Variants in TRAF3 observed in about 807,000 individuals in gnomAD.
TRAF3 encodes the protein TNF receptor associated factor 3.
Under a neutral mutation model 62.3 loss-of-function variants are expected in TRAF3, and 13 were observed. That is an observed-to-expected ratio of 0.21 (90% CI 0.14 to 0.33). TRAF3 has a LOEUF of 0.33. Ranked by LOEUF, TRAF3 falls within the 10% of genes least tolerant of loss-of-function variation. The pLI is 1.00. For missense variants in TRAF3, 440 were observed against 741.8 expected (o/e 0.59, Z 4.73); for synonymous variants, 269 against 283.4 (o/e 0.95, Z 0.51).
At chr14:102,824,670 T>G (rs1026570436) in intron 1 of TRAF3, among the ~76,000 whole-genome samples, 10 of 152,264 alleles carry the variant, frequency 6.6e-5, no homozygotes, top group African/African-American at 2.4e-4. Flanking sequence ...TTCCATAGTT[T>G]GCATCAAATT....
chr14:102,854,779 G>A (rs1043285415), intron 2 of TRAF3, among the ~76,000 whole-genome samples: 3 of 150,114 alleles, frequency 2.0e-5, no homozygotes. Context: ...GGGATTATAG[G>A]TGTCAGCTGC....
In TRAF3 at chr14:102,905,466, C is replaced by T. The variant is rs752675828; in HGVS notation, c.1389C>T (p.Asp463=). 201 of 1,614,082 alleles carry T rather than the reference C, an allele frequency of 1.2e-4. No individual in the cohort carries two copies. Among genetic ancestry groups the T allele is most frequent in the South Asian group, 3.0e-4 (27 of 91,086 alleles). Residue 463 remains aspartate, a synonymous_variant, in exon 12 of 12, where the codon GAC becomes GAT. Coordinates refer to ENST00000392745, the MANE Select transcript of TRAF3 (RefSeq NM_145725.3). ...GTGCCAGGGTCTACCTGAACGGGGA[C>T]GGGATGGGGAAGGGGACGCACTTGT... is the stretch of plus-strand genomic sequence containing the variant. ...KMCARVYLNG[D]GMGKGTHLSL...
intron 10 of TRAF3, among the ~76,000 whole-genome samples, chr14:102,901,800 AG>A (rs1890317765): frequency 6.6e-6 from 1 of 152,236 alleles, no homozygotes; most frequent in Non-Finnish European, 1.5e-5. Flanking sequence ...CAGCCAGCAA[AG>A]GTGCTGAAAC....
intron 4 of TRAF3, among the ~76,000 whole-genome samples, chr14:102,873,074 C>A (rs550989857): frequency 6.6e-6 from 1 of 152,256 alleles, no homozygotes; most frequent in Non-Finnish European, 1.5e-5. Context: ...TTTTTAAATG[C>A]AGGTCACTAA....
In TRAF3 at chr14:102,878,617, A is replaced by C. The variant is rs566204504; in HGVS notation, c.570+2092A>C. ...GAAAAAATACTAACAAATGTGTAAC[A>C]TCGGGTAGTGATCAGTTCCATGAAT... On this transcript the variant is annotated intron_variant, in intron 6 of 11. Transcript: ENST00000392745. 9.8e-5 allele frequency among the ~76,000 whole-genome samples: 15 copies of C among 152,332 alleles called. No individual in the cohort carries two copies. The East Asian group carries it at 2.9e-3, about 29-fold the overall frequency.
In TRAF3 at chr14:102,908,716, A is replaced by G. The variant is rs1890712929; in HGVS notation, c.*2932A>G. ...GACAGAGCTGCTCAGTACTTTACAG[A>G]AACCAACTGAGTCGTTTGTGCATGA... On this transcript the variant is annotated 3_prime_UTR_variant, in exon 12 of 12. Coordinates refer to ENST00000392745, the MANE Select transcript of TRAF3 (RefSeq NM_145725.3). The G allele has an allele frequency of 6.6e-6, 1 of 152,214 alleles. No homozygotes were observed. The highest frequency in any genetic ancestry group is 2.4e-5 in the African/African-American group (1 of 41,418). The allele number at this position is 152,214 out of a possible 1,614,324, so 9.4% of individuals were successfully genotyped here. A position where few individuals can be genotyped will look rare whatever the true frequency, so the allele number is the denominator to read the frequency against.
At chr14:102,825,810 A>G (rs12882969) in intron 1 of TRAF3, among the ~76,000 whole-genome samples, 2,117 of 152,326 alleles carry the variant, frequency 0.014, 22 homozygotes, top group Non-Finnish European at 0.019. Flanking sequence ...TACGTCTAGA[A>G]GCGCTTGATG....
intron 1 of TRAF3, among the ~76,000 whole-genome samples, chr14:102,816,528 G>A (rs1355391087): frequency 6.6e-6 from 1 of 152,122 alleles, no homozygotes; most frequent in African/African-American, 2.4e-5. Context: ...GTTTAATGTT[G>A]TGTTAAATAA....
At chr14:102,785,246 C>G (rs1173523711) in intron 1 of TRAF3, among the ~76,000 whole-genome samples, 1 of 152,190 alleles carries the variant, frequency 6.6e-6, no homozygotes, top group Non-Finnish European at 1.5e-5. Context: ...GGCTGATACT[C>G]TAGGCCGCAC....
chr14:102,900,830 T>A (rs1440707807), intron 10 of TRAF3, among the ~76,000 whole-genome samples: 1 of 152,220 alleles, frequency 6.6e-6, no homozygotes, highest in Non-Finnish European at 1.5e-5. Flanking sequence ...TGATTTGGAT[T>A]GTTGATGTGG....
At chr14:102,811,728 A>AGTGTGT (rs146439927) in intron 1 of TRAF3, among the ~76,000 whole-genome samples, 60 of 138,618 alleles carry the variant, frequency 4.3e-4, no homozygotes, top group African/African-American at 1.3e-3. Context: ...CTACAGCAGT[A>AGTGTGT]GTGTGTGTGT....
chr14:102,791,474 CCTTT>C (rs1183684440), intron 1 of TRAF3, among the ~76,000 whole-genome samples: 2 of 151,924 alleles, frequency 1.3e-5, no homozygotes, highest in Non-Finnish European at 2.9e-5. Context: ...TATTTTCTTA[CCTTT>C]CTTTTTGTAT....
chr14:102,903,788 A>C lies in TRAF3; in HGVS notation c.1135+359A>C. ...CAGGACCTGCTGGTCGGGGCGCCCC[A>C]GACCCCACTCCTAAGGGCCAGGGGG... is the stretch of plus-strand genomic sequence containing the variant. On this transcript the variant is annotated intron_variant, in intron 11 of 11. Transcript: ENST00000392745. The surrounding 1 kb of genome is among the most constrained non-coding windows in gnomAD (Gnocchi z 6.4). 1 of 484,602 alleles carries C rather than the reference A, an allele frequency of 2.1e-6. No homozygotes were observed. The highest frequency in any genetic ancestry group is 4.1e-6 in the Non-Finnish European group (1 of 246,110). 30.0% of individuals were successfully genotyped at this position (484,602 alleles called of 1,614,324 possible).
chr14:102,889,607 T>G lies in TRAF3; in HGVS notation c.699T>G (p.Ser233Arg). ...SECVNAPSTC[S>R]FKRYGCVFQG... Reference sequence around the variant, plus strand: ...GTGTCAATGCCCCCAGCACCTGTAGTTTTAAGCGCTATGGCTGCGTTTTTC... The same window carrying G: ...GTGTCAATGCCCCCAGCACCTGTAGGTTTAAGCGCTATGGCTGCGTTTTTC... The change falls in exon 8 of 12, where the codon AGT becomes AGG. Residue 233 changes from serine to arginine, a missense_variant. Around this residue, in one of 6 missense-constraint regions of TRAF3, gnomAD observed 255 missense variants for 424.1 expected, o/e 0.60. Transcript: ENST00000392745. 6.2e-7 allele frequency: 1 copy of G among 1,614,180 alleles called. No individual in the cohort carries two copies. Among genetic ancestry groups the G allele is most frequent in the Non-Finnish European group, 8.5e-7 (1 of 1,180,026 alleles).
In TRAF3 at chr14:102,905,276, C is replaced by A; in HGVS notation, c.1199C>A (p.Ala400Asp). Reference sequence around the variant, plus strand: ...CTGAGTGTGCACGACATCCGCCTAGCCGACATGGACCTGCGCTTCCAGGTC... The same window carrying A: ...CTGAGTGTGCACGACATCCGCCTAGACGACATGGACCTGCGCTTCCAGGTC... ...QMLSVHDIRL[A>D]DMDLRFQVLE... Residue 400 changes from alanine (A) to aspartate (D), a missense_variant, in exon 12 of 12, where the codon GCC becomes GAC. Physicochemically the swap from Ala to Asp is moderately radical, Grantham distance 126. Around this residue, in one of 6 missense-constraint regions of TRAF3, gnomAD observed 42 missense variants for 86.1 expected, o/e 0.49. Coordinates refer to ENST00000392745, the MANE Select transcript of TRAF3 (RefSeq NM_145725.3). The A allele has an allele frequency of 6.2e-7, 1 of 1,614,226 alleles. No homozygotes were observed. Among genetic ancestry groups the A allele is most frequent in the Non-Finnish European group, 8.5e-7 (1 of 1,180,052 alleles).
chr14:102,850,277 ATAAT>A (rs1465060291), intron 2 of TRAF3, among the ~76,000 whole-genome samples: 2 of 152,230 alleles, frequency 1.3e-5, no homozygotes, highest in Non-Finnish European at 2.9e-5. Flanking sequence ...ATTTTCTTAA[ATAAT>A]TAGAGATGCC....
At position 102,903,625 on chromosome 14, in the gene TRAF3, G is replaced by C; in HGVS notation, c.1135+196G>C. 1.2e-6 allele frequency: 1 copy of C among 824,392 alleles called. No homozygotes were observed. Among genetic ancestry groups the C allele is most frequent in the Non-Finnish European group, 2.0e-6 (1 of 501,206 alleles). The allele number at this position is 824,392 out of a possible 1,614,324, so 51.1% of individuals were successfully genotyped here. A position where few individuals can be genotyped will look rare whatever the true frequency, so the allele number is the denominator to read the frequency against. On this transcript the variant is annotated intron_variant, in intron 11 of 11. Coordinates refer to ENST00000392745, the MANE Select transcript of TRAF3 (RefSeq NM_145725.3). The surrounding 1 kb of genome is among the most constrained non-coding windows in gnomAD (Gnocchi z 6.4). ...GCAAAGACAAACGTTTCCCGCGCAG[G>C]CTTGTCCCCTCCGTGTGAGGCCCTA...
At chr14:102,854,035 A>G (rs1887213624) in intron 2 of TRAF3, among the ~76,000 whole-genome samples, 1 of 152,184 alleles carries the variant, frequency 6.6e-6, no homozygotes, top group African/African-American at 2.4e-5. Flanking sequence ...TAGGAATCAT[A>G]CAATATGTGG....
At chr14:102,820,892 C>T (rs1189303864) in intron 1 of TRAF3, among the ~76,000 whole-genome samples, 1 of 151,742 alleles carries the variant, frequency 6.6e-6, no homozygotes, top group Non-Finnish European at 1.5e-5. Flanking sequence ...GGCTCAGCCT[C>T]CCAAAGTGCT....
Sources: allele counts gnomAD v4.1 joint callset (sites outside exome capture counted in the v4.1 genomes callset), GRCh38; gene constraint gnomAD v4.1.1; regional missense constraint gnomAD v4.1.1; non-coding constraint Gnocchi (gnomAD v3.1); transcripts MANE v1.5; gene names NCBI Gene and HGNC (gene_info 2026-07-23, HGNC 2026-07-21).